The following ANKS1B variants were observed in gnomAD, a reference collection of about 807,000 sequenced individuals.
ANKS1B encodes ankyrin repeat and sterile alpha motif domain containing 1B, also known as ankyrin repeat and sterile alpha motif domain-containing protein 1B.
In ANKS1B, 36 loss-of-function variants were observed where a neutral mutation model predicts 148.3. The ratio of observed to expected loss-of-function variants is 0.24; its 90% CI spans 0.19 to 0.32. The LOEUF (loss-of-function observed/expected upper bound fraction) is 0.32, where lower values mean the gene tolerates loss of function less well. Among genes scored for constraint, ANKS1B ranks in the 10% least tolerant of loss-of-function variants. The pLI is 1.00. For missense variants in ANKS1B, 1,157 were observed against 1,542.6 expected (o/e 0.75, Z 4.19); for synonymous variants, 542 against 560.8 (o/e 0.97, Z 0.47).
At chr12:99,139,751 C>G (rs543251324) in intron 15 of ANKS1B, among the ~76,000 whole-genome samples, 81 of 152,010 alleles carry the variant, frequency 5.3e-4, no homozygotes, top group African/African-American at 1.9e-3. Flanking sequence ...TGTACTATGG[C>G]TCTTTGTAGT....
intron 12 of ANKS1B, among the ~76,000 whole-genome samples, chr12:99,353,840 A>G (rs1369497408): frequency 6.6e-6 from 1 of 151,952 alleles, no homozygotes; most frequent in East Asian, 1.9e-4. Context: ...ATTTTTCTCT[A>G]TGAGAGCCTG....
chr12:99,331,209 A>T lies in ANKS1B; in HGVS notation c.1756+68422T>A, dbSNP rs199574172. Among the ~76,000 whole-genome samples the T allele has an allele frequency of 1.1e-4, 17 of 152,100 alleles. No homozygotes were observed. In the East Asian group the frequency reaches 2.9e-3, roughly 26 times the overall value. ...CATAAAATGGTTTTATAATATGCTC[A>T]TGGATTCCTGGATTGAACCTGACAC... On this transcript the variant is annotated intron_variant, in intron 12 of 26. Coordinates refer to ENST00000683438, the MANE Select transcript of ANKS1B (RefSeq NM_001352186.2).
intron 9 of ANKS1B, among the ~76,000 whole-genome samples, chr12:99,552,350 C>T (rs188730369): frequency 3.0e-4 from 46 of 152,264 alleles, no homozygotes; most frequent in Admixed American, 1.8e-3. Context: ...TATTTGTTGG[C>T]TTAATGACCA....
At chr12:99,735,315 C>A (rs1327242371) in intron 8 of ANKS1B, among the ~76,000 whole-genome samples, 2 of 151,736 alleles carry the variant, frequency 1.3e-5, no homozygotes, top group Admixed American at 1.3e-4. Context: ...TAAAAAAGAT[C>A]AACGAAATGA....
chr12:99,727,179 A>C (rs1446324118), intron 8 of ANKS1B, among the ~76,000 whole-genome samples: 1 of 152,132 alleles, frequency 6.6e-6, no homozygotes, highest in Non-Finnish European at 1.5e-5. Context: ...ATATTCGAAT[A>C]GAAAGAGAGG....
chr12:99,644,846 T>C (rs954592735), intron 9 of ANKS1B, among the ~76,000 whole-genome samples: 1 of 152,166 alleles, frequency 6.6e-6, no homozygotes, highest in African/African-American at 2.4e-5. Context: ...ATCCACTTCC[T>C]GTTTTTTCAG....
At chr12:98,926,248 A>T (rs2099808004) in intron 17 of ANKS1B, among the ~76,000 whole-genome samples, 1 of 152,192 alleles carries the variant, frequency 6.6e-6, no homozygotes, top group Non-Finnish European at 1.5e-5. Flanking sequence ...GGCTCAAGGC[A>T]TTTAAGGAAA....
rs375352611 is a variant in ANKS1B, at chr12:99,439,417, T to A, written c.1575+4256A>T. On this transcript the variant is annotated intron_variant, in intron 11 of 26. Transcript: ENST00000683438. ...GCATACACCTGAGAAAGGACCCATA[T>A]CTTGTGGGGTTACAGAAGAATTTAT... Among the ~76,000 whole-genome samples the A allele has an allele frequency of 1.4e-4, 21 of 151,706 alleles. 1 individual carries two copies. Among genetic ancestry groups the A allele is most frequent in the East Asian group, 3.9e-4 (2 of 5,156 alleles).
intron 12 of ANKS1B, among the ~76,000 whole-genome samples, chr12:99,377,217 A>G (rs1283480838): frequency 1.3e-5 from 2 of 152,076 alleles, no homozygotes; most frequent in Non-Finnish European, 2.9e-5. Context: ...CATGTTGGCC[A>G]GGATGGTCTC....
intron 14 of ANKS1B, among the ~76,000 whole-genome samples, chr12:99,224,043 T>C (rs1035213621): frequency 1.3e-5 from 2 of 152,186 alleles, no homozygotes; most frequent in African/African-American, 4.8e-5. Context: ...AAAAATAAAC[T>C]AGAAAACATG....
At chr12:99,281,061 T>C (rs2078384113) in intron 12 of ANKS1B, among the ~76,000 whole-genome samples, 4 of 152,036 alleles carry the variant, frequency 2.6e-5, no homozygotes, top group South Asian at 2.1e-4. Context: ...ATCTACTTAC[T>C]GAATGGATGG....
At chr12:99,124,417 C>CGTGTGTGT (rs1491426061) in intron 15 of ANKS1B, among the ~76,000 whole-genome samples, 17 of 57,132 alleles carry the variant, frequency 3.0e-4, no homozygotes, top group South Asian at 1.1e-3. Flanking sequence ...TATTTGTGTG[C>CGTGTGTGT]ATGTGTGTGT....
At chr12:99,028,145 T>A (rs2099949859) in intron 17 of ANKS1B, among the ~76,000 whole-genome samples, 1 of 152,196 alleles carries the variant, frequency 6.6e-6, no homozygotes, top group Non-Finnish European at 1.5e-5. Context: ...TTTTAAAAAA[T>A]TAATACATGG....
At chr12:99,690,677 G>A (rs1367117529) in intron 8 of ANKS1B, among the ~76,000 whole-genome samples, 1 of 152,132 alleles carries the variant, frequency 6.6e-6, no homozygotes, top group East Asian at 1.9e-4. Context: ...ATGGCCTTAG[G>A]CAGCTCCACC....
At chr12:98,757,834 A>G (rs1437437569) in intron 25 of ANKS1B, among the ~76,000 whole-genome samples, 1 of 152,244 alleles carries the variant, frequency 6.6e-6, no homozygotes, top group Non-Finnish European at 1.5e-5. Flanking sequence ...TCTTTCTAGC[A>G]TAAGTCTTTT....
chr12:99,649,453 C>A, intron 9 of ANKS1B: 1 of 1,404,690 alleles, frequency 7.1e-7, no homozygotes, highest in Non-Finnish European at 1.0e-6. Context: ...CCCCTGCAGT[C>A]ATAAAACCTA....
At chr12:99,034,839 G>A (rs1037943713) in intron 17 of ANKS1B, among the ~76,000 whole-genome samples, 1 of 152,176 alleles carries the variant, frequency 6.6e-6, no homozygotes, top group Admixed American at 6.5e-5. Flanking sequence ...AGGTGAGCAC[G>A]TGTTCTCCAG....
intron 8 of ANKS1B, among the ~76,000 whole-genome samples, chr12:99,724,291 C>G (rs2058399392): frequency 1.3e-5 from 2 of 152,032 alleles, no homozygotes; most frequent in Admixed American, 1.3e-4. Flanking sequence ...CTAGAATAAC[C>G]AGTTTAGAGA....
At chr12:99,505,517 AATTT>A (rs1428457446) in intron 9 of ANKS1B, among the ~76,000 whole-genome samples, 1 of 151,346 alleles carries the variant, frequency 6.6e-6, no homozygotes, top group African/African-American at 2.4e-5. Flanking sequence ...TAAAAATTAG[AATTT>A]ATTTCATTTT....
Sources: allele counts gnomAD v4.1 joint callset (sites outside exome capture counted in the v4.1 genomes callset), GRCh38; gene constraint gnomAD v4.1.1; transcripts MANE v1.5; gene names NCBI Gene and HGNC (gene_info 2026-07-23, HGNC 2026-07-21).